The following TENM3 variants were observed in gnomAD, a reference collection of about 807,000 sequenced individuals.
TENM3 encodes teneurin transmembrane protein 3.
Under a neutral mutation model 255.1 loss-of-function variants are expected in TENM3, and 63 were observed. The ratio of observed to expected loss-of-function variants is 0.25; its 90% CI spans 0.20 to 0.30. TENM3 has a LOEUF of 0.30. Among genes scored for constraint, TENM3 ranks in the 10% least tolerant of loss-of-function variants. TENM3 has a pLI of 1.00. For missense variants in TENM3, 2,929 were observed against 3,461.1 expected (o/e 0.85, Z 3.86); for synonymous variants, 1,306 against 1,322.3 (o/e 0.99, Z 0.27).
chr4:182,693,603 T>C (rs751392116), intron 12 of TENM3, among the ~76,000 whole-genome samples: 46 of 152,170 alleles, frequency 3.0e-4, no homozygotes, highest in Non-Finnish European at 6.2e-4. Context: ...CCTTTAGCTT[T>C]TATCTTAACT....
At chr4:182,537,816 A>G (rs1185782296) in intron 3 of TENM3, among the ~76,000 whole-genome samples, 1 of 152,144 alleles carries the variant, frequency 6.6e-6, no homozygotes, top group African/African-American at 2.4e-5. Context: ...CAGCGTGTTA[A>G]GTTTCCAGGT....
At chr4:181,479,511 C>T in the TENM3 span, among the ~76,000 whole-genome samples, 1 of 152,132 alleles carries the variant, frequency 6.6e-6, no homozygotes, top group Non-Finnish European at 1.5e-5. Context: ...CTGGACCTAT[C>T]TGTCCAGCCC....
chr4:182,543,619 C>CT (rs1166702545), intron 3 of TENM3, among the ~76,000 whole-genome samples: 5 of 151,842 alleles, frequency 3.3e-5, no homozygotes, highest in South Asian at 2.1e-4. Flanking sequence ...AAAGTCTCAT[C>CT]TTTTTTTTCA....
the TENM3 span, among the ~76,000 whole-genome samples, chr4:181,656,764 CAAA>C: frequency 0.17 from 25,798 of 151,818 alleles, 2,466 homozygotes; most frequent in Admixed American, 0.29. Context: ...AGAAAACTGA[CAAA>C]GAAGAGTTGC....
At chr4:181,963,183 TCAAA>T in the TENM3 span, among the ~76,000 whole-genome samples, 1 of 152,188 alleles carries the variant, frequency 6.6e-6, no homozygotes. Context: ...AAAAGCTGTC[TCAAA>T]CAGATGGGGA....
the TENM3 span, among the ~76,000 whole-genome samples, chr4:181,588,659 T>C: frequency 6.6e-6 from 1 of 152,198 alleles, no homozygotes; most frequent in African/African-American, 2.4e-5. Context: ...AACAGTTTGT[T>C]GAATTTTGTG....
chr4:182,277,855 C>A (rs533431389), intron 1 of TENM3, among the ~76,000 whole-genome samples: 3 of 152,072 alleles, frequency 2.0e-5, no homozygotes, highest in Non-Finnish European at 4.4e-5. Flanking sequence ...TAGAAGAATC[C>A]TTTTATTTAA....
At chr4:182,743,448 A>G in intron 19 of TENM3, 29 bp downstream of exon 19, 3 of 1,606,396 alleles carry the variant, frequency 1.9e-6, no homozygotes, top group Non-Finnish European at 2.6e-6. Flanking sequence ...TGGGCTTTTA[A>G]CCAAAGCTAA....
chr4:182,771,506 G>T (rs560779020), intron 22 of TENM3, among the ~76,000 whole-genome samples: 1 of 148,360 alleles, frequency 6.7e-6, no homozygotes, highest in Non-Finnish European at 1.5e-5. Flanking sequence ...AATGGGGGGG[G>T]GGGAAATAGT....
the TENM3 span, among the ~76,000 whole-genome samples, chr4:181,533,325 C>G: frequency 6.6e-6 from 1 of 152,192 alleles, no homozygotes; most frequent in Non-Finnish European, 1.5e-5. Flanking sequence ...GTACCGCCAC[C>G]ATCATCACTT....
the TENM3 span, among the ~76,000 whole-genome samples, chr4:181,874,996 T>C: frequency 6.6e-6 from 1 of 152,212 alleles, no homozygotes; most frequent in Non-Finnish European, 1.5e-5. Flanking sequence ...TTGTTTAGGA[T>C]GAGAGAACAC....
chr4:182,540,892 A>G (rs1560895380), intron 3 of TENM3, among the ~76,000 whole-genome samples: 1 of 152,198 alleles, frequency 6.6e-6, no homozygotes, highest in Non-Finnish European at 1.5e-5. Flanking sequence ...TCCCTGAGGA[A>G]TCAGTGTTTT....
chr4:181,527,325 A>G, the TENM3 span, among the ~76,000 whole-genome samples: 1 of 152,112 alleles, frequency 6.6e-6, no homozygotes, highest in Non-Finnish European at 1.5e-5. Flanking sequence ...TAAAAAGTTG[A>G]GATATTTAGT....
chr4:181,667,338 C>A, the TENM3 span, among the ~76,000 whole-genome samples: 1 of 152,142 alleles, frequency 6.6e-6, no homozygotes, highest in African/African-American at 2.4e-5. Flanking sequence ...GACCTTTCTT[C>A]ATGTTATTCC....
the TENM3 span, among the ~76,000 whole-genome samples, chr4:181,581,644 A>C: frequency 6.6e-6 from 1 of 152,160 alleles, no homozygotes; most frequent in Non-Finnish European, 1.5e-5. Context: ...GCTCCTCAGT[A>C]GAACCTGTGG....
intron 19 of TENM3, among the ~76,000 whole-genome samples, chr4:182,749,510 C>T (rs183697284): frequency 1.6e-4 from 24 of 152,138 alleles, no homozygotes; most frequent in African/African-American, 5.5e-4. Flanking sequence ...AGTATAAGGA[C>T]GGTTAATTCT....
intron 7 of TENM3, among the ~76,000 whole-genome samples, 190 bp downstream of exon 7, chr4:182,673,409 T>C (rs923495447): frequency 6.6e-6 from 1 of 152,196 alleles, no homozygotes; most frequent in Non-Finnish European, 1.5e-5. Flanking sequence ...AAGAACAATA[T>C]TTTCTTCCTG....
chr4:182,727,373 T>G lies in TENM3; in HGVS notation c.2369-1592T>G, dbSNP rs147179664. Among the ~76,000 whole-genome samples, 1,137 of 151,342 alleles carry G rather than the reference T, an allele frequency of 7.5e-3. 11 individuals carry two copies. The highest frequency in any genetic ancestry group is 0.026 in the African/African-American group (1,088 of 41,260). ...CAGGAGGCTGAGGCAGGAGAATCAC[T>G]TGAACCAGTTAGGCGGAGGTTGCAG... is the stretch of plus-strand genomic sequence containing the variant. On this transcript the variant is annotated intron_variant, in intron 13 of 27. Transcript: ENST00000511685.
chr4:181,956,248 C>T, the TENM3 span, among the ~76,000 whole-genome samples: 1 of 152,154 alleles, frequency 6.6e-6, no homozygotes, highest in African/African-American at 2.4e-5. Flanking sequence ...ATACCATCAC[C>T]TTGGGTGTTA....
Sources: allele counts gnomAD v4.1 joint callset (sites outside exome capture counted in the v4.1 genomes callset), GRCh38; gene constraint gnomAD v4.1.1; transcripts MANE v1.5; gene names NCBI Gene and HGNC (gene_info 2026-07-23, HGNC 2026-07-21).